ARSB: variants seen among roughly 807,000 people sequenced by gnomAD.
ARSB encodes arylsulfatase B.
ARSB carries 41 observed loss-of-function variants against 50.9 expected under a neutral mutation model. The observed-to-expected ratio is 0.81, with a 90% confidence interval of 0.63 to 1.04. The LOEUF is 1.04. Among genes scored for constraint, ARSB ranks in the 50% least tolerant of loss-of-function variants. The pLI, the probability that ARSB is intolerant of heterozygous loss-of-function variation, is 0.00. For missense variants in ARSB, 672 were observed against 693.3 expected, an observed-to-expected ratio of 0.97 and a Z score of 0.35; for synonymous variants, 269 against 284.8, an observed-to-expected ratio of 0.94 and a Z score of 0.56.
chr5:78,964,728 G>A, intron 2 of ARSB, 122 bp from the exon 3 acceptor site: 1 of 910,498 alleles, frequency 1.1e-6, no homozygotes, highest in South Asian at 1.4e-5. Context: ...AAATGACAAG[G>A]CTAATCAGCA....
chr5:78,797,109 A>C (rs1580977728), intron 6 of ARSB, among the ~76,000 whole-genome samples: 1 of 151,728 alleles, frequency 6.6e-6, no homozygotes, highest in South Asian at 2.1e-4. Flanking sequence ...CGATCTCCTG[A>C]CCTCGTGATC....
chr5:78,858,692 A>C (rs1385569207), intron 5 of ARSB, among the ~76,000 whole-genome samples: 1 of 152,224 alleles, frequency 6.6e-6, no homozygotes, highest in Non-Finnish European at 1.5e-5. Flanking sequence ...TCTGAGAAGA[A>C]ATTTTGAAGA....
intron 4 of ARSB, among the ~76,000 whole-genome samples, chr5:78,946,361 A>G (rs1751229729): frequency 6.6e-6 from 1 of 152,258 alleles, no homozygotes; most frequent in Admixed American, 6.5e-5. Context: ...GCCTCCACAA[A>G]AAAACTATTA....
At chr5:78,861,347 G>A (rs924243762) in intron 5 of ARSB, among the ~76,000 whole-genome samples, 1 of 151,884 alleles carries the variant, frequency 6.6e-6, no homozygotes, top group Non-Finnish European at 1.5e-5. Flanking sequence ...GATGAACATC[G>A]ATGCAAAAAT....
At chr5:78,795,834 CA>C (rs1448137133) in intron 6 of ARSB, among the ~76,000 whole-genome samples, 36 of 152,162 alleles carry the variant, frequency 2.4e-4, no homozygotes, top group African/African-American at 8.4e-4. Flanking sequence ...TTTCAGTTTA[CA>C]AAGTCAATTT....
chr5:78,973,795 T>C (rs1752553350), intron 1 of ARSB, among the ~76,000 whole-genome samples: 2 of 152,124 alleles, frequency 1.3e-5, no homozygotes, highest in Non-Finnish European at 2.9e-5. Context: ...ACCTCAACAG[T>C]GTTGAGATAA....
chr5:78,815,422 G>C, intron 6 of ARSB: 1 of 590,202 alleles, frequency 1.7e-6, no homozygotes, highest in Non-Finnish European at 2.1e-6. Context: ...AGGCCACAAA[G>C]ACAAATTAGA....
rs1171335951 is a variant in ARSB, at chr5:78,869,217, G to A, written c.1142+16367C>T. On this transcript the variant is annotated intron_variant, in intron 5 of 7. Coordinates refer to ENST00000264914, the MANE Select transcript of ARSB (RefSeq NM_000046.5). ...AGACTCCCACACATTAATAATGGGAGACTTCAATACCCCACTGTCAACATT... is the reference window on the plus strand; with the variant it reads ...AGACTCCCACACATTAATAATGGGAAACTTCAATACCCCACTGTCAACATT... Among the ~76,000 whole-genome samples the A allele has an allele frequency of 1.9e-5, 2 of 102,780 alleles. 1 individual carries two copies. Among genetic ancestry groups the A allele is most frequent in the Non-Finnish European group, 4.1e-5 (2 of 48,726 alleles). The allele number at this position is 102,780 out of a possible 152,430, so 67.4% of individuals were successfully genotyped here. A position where few individuals can be genotyped will look rare whatever the true frequency, so the allele number is the denominator to read the frequency against.
chr5:78,941,882 G>A (rs1320402733), intron 4 of ARSB, among the ~76,000 whole-genome samples: 10 of 152,212 alleles, frequency 6.6e-5, no homozygotes, highest in Non-Finnish European at 1.3e-4. Flanking sequence ...TGTACCTCTG[G>A]TAGAATTCGG....
chr5:78,859,530 G>C (rs139041026), intron 5 of ARSB, among the ~76,000 whole-genome samples: 2,492 of 152,098 alleles, frequency 0.016, 31 homozygotes, highest in Non-Finnish European at 0.024. Context: ...CAACAGCGTT[G>C]GAAACTAAAG....
At chr5:78,817,066 C>T in intron 6 of ARSB, 2 of 985,102 alleles carry the variant, frequency 2.0e-6, no homozygotes, top group Non-Finnish European at 2.4e-6. Flanking sequence ...ATAAATGCAG[C>T]AGCCCTCTGG....
intron 5 of ARSB, among the ~76,000 whole-genome samples, chr5:78,857,699 G>C (rs1746221019): frequency 6.6e-6 from 1 of 152,132 alleles, no homozygotes; most frequent in African/African-American, 2.4e-5. Flanking sequence ...CCCCATCCCA[G>C]CACATATTAT....
At chr5:78,882,988 T>C in intron 5 of ARSB, 1 of 152,004 alleles carries the variant, frequency 6.6e-6, no homozygotes, top group Non-Finnish European at 1.5e-5. Flanking sequence ...TTCACCATGT[T>C]GGCCAGGCTG....
At chr5:78,853,881 T>G (rs1745996442) in intron 5 of ARSB, among the ~76,000 whole-genome samples, 1 of 152,212 alleles carries the variant, frequency 6.6e-6, no homozygotes, top group Non-Finnish European at 1.5e-5. Flanking sequence ...GGATATAATC[T>G]CCTAGTGTGC....
At chr5:78,833,984 T>C (rs1273805956) in intron 6 of ARSB, among the ~76,000 whole-genome samples, 1 of 152,096 alleles carries the variant, frequency 6.6e-6, no homozygotes. Context: ...TTAAAAGGAG[T>C]ATAAGTGGCC....
intron 6 of ARSB, among the ~76,000 whole-genome samples, chr5:78,786,172 C>T (rs564122133): frequency 1.3e-5 from 2 of 152,260 alleles, no homozygotes; most frequent in African/African-American, 4.8e-5. Context: ...CACCCTCCAG[C>T]CCTAGGCAAC....
chr5:78,816,852 G>A (rs1370483794), intron 6 of ARSB, among the ~76,000 whole-genome samples: 1 of 152,138 alleles, frequency 6.6e-6, no homozygotes, highest in African/African-American at 2.4e-5. Context: ...CCAACAACCT[G>A]AGCAAGCTTG....
chr5:78,900,419 C>A (rs1474875892), intron 4 of ARSB, among the ~76,000 whole-genome samples: 2 of 152,282 alleles, frequency 1.3e-5, no homozygotes, highest in African/African-American at 4.8e-5. Flanking sequence ...GGTGAGGAAG[C>A]TGGTTGACCA....
intron 4 of ARSB, among the ~76,000 whole-genome samples, chr5:78,921,917 T>C (rs988299776): frequency 1.3e-5 from 2 of 151,762 alleles, no homozygotes; most frequent in Non-Finnish European, 2.9e-5. Context: ...GGAAGGAAGG[T>C]GTAGCGATTG....
Sources: gnomAD v4.1 joint callset for allele counts (sites outside exome capture counted in the v4.1 genomes callset) on GRCh38, gnomAD v4.1.1 for gene constraint, MANE v1.5 for transcripts, NCBI Gene and HGNC (gene_info 2026-07-23, HGNC 2026-07-21) for gene names.